The following CHRM2 variants were observed in gnomAD, a reference collection of about 807,000 sequenced individuals.
CHRM2 encodes cholinergic receptor muscarinic 2, also known as muscarinic acetylcholine receptor M2.
Under a neutral mutation model 25.0 loss-of-function variants are expected in CHRM2, and 8 were observed. The ratio of observed to expected loss-of-function variants is 0.32; its 90% CI spans 0.19 to 0.58. The LOEUF is 0.58. CHRM2 is among the 20% of genes least tolerant of loss of function. CHRM2 has a pLI of 0.88. For synonymous variants in CHRM2, 202 were observed against 205.7 expected, an observed-to-expected ratio of 0.98 and a Z score of 0.15; for missense variants, 440 against 567.1, an observed-to-expected ratio of 0.78 and a Z score of 2.28.
chr7:136,950,545 GTCCC>G (rs1413052650), intron 2 of CHRM2, among the ~76,000 whole-genome samples: 1 of 152,096 alleles, frequency 6.6e-6, no homozygotes, highest in African/African-American at 2.4e-5. Flanking sequence ...TCTGTGGAAA[GTCCC>G]CAATCTCAAA....
chr7:136,982,883 T>G (rs756520728), intron 2 of CHRM2, among the ~76,000 whole-genome samples: 1 of 152,202 alleles, frequency 6.6e-6, no homozygotes, highest in African/African-American at 2.4e-5. Context: ...ATTTTTTCCT[T>G]CATTTCAACC....
intron 2 of CHRM2, among the ~76,000 whole-genome samples, chr7:136,903,599 G>C (rs1279202438): frequency 6.6e-6 from 1 of 151,894 alleles, no homozygotes; most frequent in Non-Finnish European, 1.5e-5. Flanking sequence ...GGCAAATCTA[G>C]CATTTAAGAC....
At chr7:136,994,332 T>C (rs1803429991) in intron 3 of CHRM2, among the ~76,000 whole-genome samples, 1 of 152,168 alleles carries the variant, frequency 6.6e-6, no homozygotes, top group Non-Finnish European at 1.5e-5. Flanking sequence ...CATATGAAAG[T>C]TATTTCTGAG....
intron 3 of CHRM2, among the ~76,000 whole-genome samples, chr7:137,007,289 T>C (rs113945566): frequency 6.6e-6 from 1 of 152,230 alleles, no homozygotes; most frequent in African/African-American, 2.4e-5. Flanking sequence ...GACTGCAAAT[T>C]CCTTGTTGAC....
rs117372350 is a variant in CHRM2 at position 136,962,010 on chromosome 7, C to A, written c.-124-30177C>A. On this transcript the variant is annotated intron_variant, in intron 2 of 3. Transcript: ENST00000680005. ...AAACATAAAAATAGCTTCTCAGCAA[C>A]CTTTTCTAGAATCTGTAAAGGGAAA... Among the ~76,000 whole-genome samples, 106 of 152,204 alleles carry A rather than the reference C, an allele frequency of 7.0e-4. 2 individuals are homozygous for A. The East Asian group carries it at 0.016, about 23-fold the overall frequency.
At chr7:136,882,685 A>G (rs145000045) in intron 2 of CHRM2, among the ~76,000 whole-genome samples, 34 of 152,192 alleles carry the variant, frequency 2.2e-4, no homozygotes, top group African/African-American at 7.7e-4. Flanking sequence ...TTCCTTTCTG[A>G]TAAATGTTTC....
At chr7:136,932,287 G>C (rs1002680584) in intron 2 of CHRM2, among the ~76,000 whole-genome samples, 2 of 152,178 alleles carry the variant, frequency 1.3e-5, no homozygotes, top group African/African-American at 4.8e-5. Context: ...ACATAGTAAA[G>C]AGAGTGAATT....
intron 2 of CHRM2, among the ~76,000 whole-genome samples, chr7:136,983,432 G>C (rs1485890623): frequency 6.6e-6 from 1 of 152,102 alleles, no homozygotes; most frequent in Non-Finnish European, 1.5e-5. Flanking sequence ...GTCTACTTCT[G>C]TCTATTCATC....
chr7:136,945,902 G>A (rs796937143), intron 2 of CHRM2, among the ~76,000 whole-genome samples: 11 of 152,200 alleles, frequency 7.2e-5, no homozygotes, highest in South Asian at 6.2e-4. Context: ...TGCACCACTC[G>A]ATAAGGCAGA....
intron 3 of CHRM2, among the ~76,000 whole-genome samples, chr7:136,995,959 G>A (rs1050930511): frequency 4.0e-5 from 6 of 151,546 alleles, no homozygotes; most frequent in South Asian, 2.1e-4. Flanking sequence ...ATATTGCTAC[G>A]GGTGTAAGAA....
At chr7:136,912,677 A>C (rs1046276440) in intron 2 of CHRM2, among the ~76,000 whole-genome samples, 1 of 151,940 alleles carries the variant, frequency 6.6e-6, no homozygotes, top group Non-Finnish European at 1.5e-5. Context: ...TTACCACCTA[A>C]AGTGCTATTA....
At position 136,869,618 on chromosome 7, in the gene CHRM2, C is replaced by A. The variant is rs1164358441; in HGVS notation, c.-125+200C>A. 2.0e-5 allele frequency among the ~76,000 whole-genome samples: 3 copies of A among 152,100 alleles called. No individual in the cohort carries two copies. The highest frequency in any genetic ancestry group is 2.9e-5 in the Non-Finnish European group (2 of 68,006). ...CTTGGAGGGTTGCGAGCAGTGATGG[C>A]GGGTCTGAAAGGAAGGGGCAAACGA... On this transcript the variant is annotated intron_variant, in intron 2 of 3. Transcript: ENST00000680005. This position sits in a 1 kb window ranked among gnomAD's most constrained non-coding sequence, Gnocchi z 4.9.
chr7:136,920,223 A>T (rs983258796), intron 2 of CHRM2, among the ~76,000 whole-genome samples: 2 of 152,162 alleles, frequency 1.3e-5, no homozygotes, highest in Non-Finnish European at 2.9e-5. Context: ...GTTGCTGTCA[A>T]CATATGAACT....
intron 2 of CHRM2, among the ~76,000 whole-genome samples, chr7:136,886,655 C>T (rs920481569): frequency 2.0e-5 from 3 of 151,896 alleles, no homozygotes; most frequent in Admixed American, 6.6e-5. Context: ...GTATTTAAGC[C>T]CAGGAGTTCA....
rs74648370 is a variant in CHRM2 at position 136,923,090 on chromosome 7, G to A, written c.-125+53672G>A. ...ACAATGCCATTTGGTAGATTTAATA[G>A]GGCAGAGCATTATCAGATCATTGTC... On this transcript the variant is annotated intron_variant, in intron 2 of 3. Coordinates refer to ENST00000680005, the MANE Select transcript of CHRM2 (RefSeq NM_001006630.2). 4.8e-3 allele frequency among the ~76,000 whole-genome samples: 725 copies of A among 152,136 alleles called. 3 individuals are homozygous for A. Among genetic ancestry groups the A allele is most frequent in the Middle Eastern group, 0.014 (4 of 294 alleles).
intron 2 of CHRM2, among the ~76,000 whole-genome samples, chr7:136,988,999 C>A (rs999139991): frequency 6.6e-6 from 1 of 151,830 alleles, no homozygotes; most frequent in African/African-American, 2.4e-5. Context: ...TCCCACCAAA[C>A]CTATGAGGTT....
intron 2 of CHRM2, among the ~76,000 whole-genome samples, chr7:136,888,226 C>A (rs1796546112): frequency 6.6e-6 from 1 of 152,156 alleles, no homozygotes; most frequent in African/African-American, 2.4e-5. Flanking sequence ...TCCATGGACC[C>A]CTATCATGAA....
chr7:136,981,063 G>T (rs543463805), intron 2 of CHRM2, among the ~76,000 whole-genome samples: 1 of 152,102 alleles, frequency 6.6e-6, no homozygotes, highest in Non-Finnish European at 1.5e-5. Context: ...CTGTGAATCC[G>T]TCTGTTCCTA....
At position 137,015,829 on chromosome 7, in the gene CHRM2, C is replaced by A. The variant is rs1805144088; in HGVS notation, c.964C>A (p.Gln322Lys). 2 of 1,612,800 alleles carry A rather than the reference C, an allele frequency of 1.2e-6. No individual in the cohort carries two copies. Among genetic ancestry groups the A allele is most frequent in the Admixed American group, 1.7e-5 (1 of 59,888 alleles). Residue 322 changes from glutamine (Q) to lysine (K), a missense_variant, in exon 4 of 4, where the codon CAA becomes AAA. Physicochemically the swap from Gln to Lys is moderately conservative, Grantham distance 53 (BLOSUM62 1). Coordinates refer to ENST00000680005, the MANE Select transcript of CHRM2 (RefSeq NM_001006630.2). The surrounding 1 kb of genome is among the most constrained non-coding windows in gnomAD (Gnocchi z 5.1). ...LGHSKDENSK[Q>K]TCIRIGTKTP... ...CCATTCCAAAGATGAGAACTCTAAG[C>A]AAACATGCATCAGAATTGGCACCAA... is the stretch of plus-strand genomic sequence containing the variant.
Sources: allele counts gnomAD v4.1 joint callset (sites outside exome capture counted in the v4.1 genomes callset), GRCh38; gene constraint gnomAD v4.1.1; non-coding constraint Gnocchi (gnomAD v3.1); transcripts MANE v1.5; gene names NCBI Gene and HGNC (gene_info 2026-07-23, HGNC 2026-07-21).